Variants in SPEN observed in about 807,000 individuals in gnomAD.
SPEN encodes spen family transcriptional repressor.
A neutral mutation model predicts 269.9 loss-of-function variants in SPEN; 18 were observed. That is an observed-to-expected ratio of 0.07 (90% CI 0.05 to 0.10). SPEN has a LOEUF of 0.10. Ranked by LOEUF, SPEN falls within the 10% of genes least tolerant of loss-of-function variation. The pLI, the probability that SPEN is intolerant of heterozygous loss-of-function variation, is 1.00. For synonymous variants in SPEN, 1,726 were observed against 1,765.7 expected (o/e 0.98, Z 0.56); for missense variants, 3,822 against 4,631.2 (o/e 0.83, Z 5.07).
At position 15,915,105 on chromosome 1, in the gene SPEN, T is replaced by C. The variant is rs145618682; in HGVS notation, c.1244-1023T>C. 5.3e-3 allele frequency among the ~76,000 whole-genome samples: 802 copies of C among 152,382 alleles called. 4 individuals are homozygous for C. The highest frequency in any genetic ancestry group is 9.0e-3 in the Non-Finnish European group (609 of 68,034). On this transcript the variant is annotated intron_variant, in intron 5 of 14. Transcript: ENST00000375759. The stretch of plus-strand genomic sequence containing the variant: ...ATGTCTATTTCAGAGTATAGTTTTA[T>C]ACGCCAAATTGAGAGCCTGCTACGT...
chr1:15,938,565 CTT>C (rs200567875), intron 13 of SPEN, 151 bp from the exon 14 acceptor site: 24,930 of 237,620 alleles, frequency 0.1, 773 homozygotes, highest in Admixed American at 0.22. Flanking sequence ...TGAAAAAAAG[CTT>C]TTTTTTTTTT....
intron 3 of SPEN, among the ~76,000 whole-genome samples, chr1:15,899,019 C>A (rs1302979776): frequency 6.6e-6 from 1 of 151,958 alleles, no homozygotes; most frequent in South Asian, 2.1e-4. Context: ...TAGTTGAGTT[C>A]CCGTCTTCAT....
chr1:15,885,930 A>T (rs2070732840), intron 3 of SPEN, among the ~76,000 whole-genome samples: 1 of 152,182 alleles, frequency 6.6e-6, no homozygotes, highest in Non-Finnish European at 1.5e-5. Context: ...GCAATAAGCA[A>T]CACACAACCT....
At position 15,872,960 on chromosome 1, in the gene SPEN, G is replaced by A; in HGVS notation, c.228G>A (p.Thr76=). ...AAATGGGTGACAGAGACCTACGCACGGATTATAATGAACCAGGCACCATCC... is the reference window on the plus strand; with the variant it reads ...AAATGGGTGACAGAGACCTACGCACAGATTATAATGAACCAGGCACCATCC... ...VNKMGDRDLR[T]DYNEPGTIPS... is the part of the protein sequence containing the mutation. Residue 76 remains threonine, a synonymous_variant, in exon 2 of 15, where the codon ACG becomes ACA. Transcript: ENST00000375759. 6.2e-7 allele frequency: 1 copy of A among 1,614,068 alleles called. No individual in the cohort carries two copies. The highest frequency in any genetic ancestry group is 8.5e-7 in the Non-Finnish European group (1 of 1,179,984).
At position 15,850,570 on chromosome 1, in the gene SPEN, A is replaced by G. The variant is rs549216036; in HGVS notation, c.83+2420A>G. 6.4e-4 allele frequency among the ~76,000 whole-genome samples: 97 copies of G among 152,080 alleles called. No individual in the cohort carries two copies. The Middle Eastern group carries it at 0.02, about 32-fold the overall frequency. On this transcript the variant is annotated intron_variant, in intron 1 of 14. Coordinates refer to ENST00000375759, the MANE Select transcript of SPEN (RefSeq NM_015001.3). Reference sequence around the variant, plus strand: ...ACCCCCCAAAATCCAGGTAATGTCTATTTCTGGTTTCTTGTTTATCTTTCT... The same window carrying G: ...ACCCCCCAAAATCCAGGTAATGTCTGTTTCTGGTTTCTTGTTTATCTTTCT...
In SPEN at chr1:15,929,038, A is replaced by C. The variant is rs1203752866; in HGVS notation, c.2798A>C (p.Glu933Ala). The change falls in exon 11 of 15, where the codon GAA becomes GCA. Residue 933 changes from glutamate (E) to alanine (A), a missense_variant. By Grantham distance (107) the Glu-to-Ala change is moderately radical. This residue lies in a region of SPEN where 572 missense variants were observed against 582.6 expected (regional missense o/e 0.98). Transcript: ENST00000375759. This position sits in a 1 kb window ranked among gnomAD's most constrained non-coding sequence, Gnocchi z 5.8. ...EPAKSDLSKL[E>A]SVRMKVPKEK... ...GCAAAATCTGACTTGTCTAAACTGG[A>C]ATCAGTTAGAATGAAAGTACCAAAG... is the stretch of plus-strand genomic sequence containing the variant. 6.2e-7 allele frequency: 1 copy of C among 1,614,176 alleles called. No homozygotes were observed. The highest frequency in any genetic ancestry group is 8.5e-7 in the Non-Finnish European group (1 of 1,180,030).
intron 3 of SPEN, among the ~76,000 whole-genome samples, chr1:15,887,870 A>C (rs1204610015): frequency 6.6e-6 from 1 of 150,924 alleles, no homozygotes; most frequent in Non-Finnish European, 1.5e-5. Context: ...AAAAAATACA[A>C]AAATTAACTG....
intron 1 of SPEN, among the ~76,000 whole-genome samples, chr1:15,863,697 T>C (rs1031806006): frequency 6.6e-6 from 1 of 151,778 alleles, no homozygotes; most frequent in African/African-American, 2.4e-5. Flanking sequence ...AAACATCAGC[T>C]GGGTGTGGTG....
At chr1:15,914,354 A>T (rs779562684) in intron 5 of SPEN, among the ~76,000 whole-genome samples, 27 of 152,228 alleles carry the variant, frequency 1.8e-4, no homozygotes, top group Non-Finnish European at 3.4e-4. Context: ...AGTAAAGTTG[A>T]TTAAATATTA....
intron 3 of SPEN, among the ~76,000 whole-genome samples, chr1:15,895,015 C>T (rs771771196): frequency 1.6e-4 from 24 of 152,032 alleles, no homozygotes; most frequent in African/African-American, 3.4e-4. Context: ...CTCTGCCTCC[C>T]GGGTTCAAGC....
intron 10 of SPEN, among the ~76,000 whole-genome samples, chr1:15,924,721 A>G (rs2148735974): frequency 6.6e-6 from 1 of 152,290 alleles, no homozygotes; most frequent in South Asian, 2.1e-4. Flanking sequence ...CGGCCTCCCA[A>G]AGTGCTGGGA....
In SPEN at chr1:15,929,729, C is replaced by T. The variant is rs775651371; in HGVS notation, c.3489C>T (p.Ile1163=). ...VNTEEKIGID[I]DHTQSYRKQM... is the part of the protein sequence containing the mutation. Reference sequence around the variant, plus strand: ...CTGAAGAAAAAATTGGCATTGACATCGATCACACGCAGAGTTACCGAAAAC... The same window carrying T: ...CTGAAGAAAAAATTGGCATTGACATTGATCACACGCAGAGTTACCGAAAAC... The change falls in exon 11 of 15, where the codon ATC becomes ATT. Residue 1163 remains isoleucine (I), a synonymous_variant. Coordinates refer to ENST00000375759, the MANE Select transcript of SPEN (RefSeq NM_015001.3). This position sits in a 1 kb window ranked among gnomAD's most constrained non-coding sequence, Gnocchi z 5.8. The T allele has an allele frequency of 2.5e-5, 41 of 1,613,896 alleles. No homozygotes were observed. Among genetic ancestry groups the T allele is most frequent in the East Asian group, 1.1e-4 (5 of 44,898 alleles).
chr1:15,870,759 A>G (rs2070565183), intron 1 of SPEN, among the ~76,000 whole-genome samples: 1 of 152,198 alleles, frequency 6.6e-6, no homozygotes, highest in South Asian at 2.1e-4. Context: ...AGAAAGGAGT[A>G]TTGAGAGAAT....
chr1:15,900,221 A>G (rs2070886932), intron 3 of SPEN, among the ~76,000 whole-genome samples: 1 of 152,228 alleles, frequency 6.6e-6, no homozygotes, highest in African/African-American at 2.4e-5. Context: ...CTTATTGTGT[A>G]AAATAGACCT....
chr1:15,881,771 A>G (rs941252118), intron 3 of SPEN, among the ~76,000 whole-genome samples: 2 of 152,202 alleles, frequency 1.3e-5, no homozygotes, highest in Non-Finnish European at 2.9e-5. Context: ...TCAAAGTGTA[A>G]TATTTTGAGA....
At chr1:15,888,515 G>T (rs1431249613) in intron 3 of SPEN, among the ~76,000 whole-genome samples, 1 of 151,762 alleles carries the variant, frequency 6.6e-6, no homozygotes, top group Non-Finnish European at 1.5e-5. Context: ...GTAGAGACAG[G>T]GTTTCGCCAT....
chr1:15,858,997 A>C (rs78427839), intron 1 of SPEN, among the ~76,000 whole-genome samples: 5,512 of 152,298 alleles, frequency 0.036, 332 homozygotes, highest in African/African-American at 0.12. Context: ...TAGCTATTAT[A>C]TGTGACATTG....
intron 5 of SPEN, among the ~76,000 whole-genome samples, 192 bp from the exon 6 acceptor site, chr1:15,915,936 G>C (rs2071063233): frequency 1.3e-5 from 2 of 152,070 alleles, no homozygotes; most frequent in African/African-American, 4.8e-5. Flanking sequence ...TTTAGCCTTT[G>C]TATTCCTTTT....
Position 15,931,303 on chromosome 1 carries a change from A to G in SPEN, c.5063A>G (p.Glu1688Gly), listed in dbSNP as rs527239966. Residue 1688 changes from glutamate (E) to glycine (G), a missense_variant, in exon 11 of 15, where the codon GAA becomes GGA. Transcript: ENST00000375759. The surrounding 1 kb of genome is among the most constrained non-coding windows in gnomAD (Gnocchi z 4.8). ...TVSEEAKPAS[E>G]PAPAPVEQLE... ...TCAGAAGAAGCAAAGCCTGCATCTGAACCTGCTCCTGCCCCTGTGGAACAG... is the reference window on the plus strand; with the variant it reads ...TCAGAAGAAGCAAAGCCTGCATCTGGACCTGCTCCTGCCCCTGTGGAACAG... 1 of 1,614,162 alleles carries G rather than the reference A, an allele frequency of 6.2e-7. No homozygotes were observed. The highest frequency in any genetic ancestry group is 1.1e-5 in the South Asian group (1 of 91,084).
Sources: allele counts gnomAD v4.1 joint callset (sites outside exome capture counted in the v4.1 genomes callset), GRCh38; gene constraint gnomAD v4.1.1; regional missense constraint gnomAD v4.1.1; non-coding constraint Gnocchi (gnomAD v3.1); transcripts MANE v1.5; gene names NCBI Gene and HGNC (gene_info 2026-07-23, HGNC 2026-07-21).